AOPEP: variants seen among roughly 807,000 people sequenced by gnomAD.
The protein encoded by AOPEP is aminopeptidase O (putative).
AOPEP carries 77 observed loss-of-function variants against 98.1 expected under a neutral mutation model. The observed-to-expected ratio is 0.78, with a 90% confidence interval of 0.65 to 0.95. AOPEP has a LOEUF of 0.95. AOPEP is among the 40% of genes least tolerant of loss of function. The pLI, the probability that AOPEP is intolerant of heterozygous loss-of-function variation, is 0.00. For synonymous variants in AOPEP, 346 were observed against 365.3 expected (o/e 0.95, Z 0.60); for missense variants, 1,024 against 1,024.7 (o/e 1.00, Z 0.01).
At position 94,789,535 on chromosome 9, in the gene AOPEP, G is replaced by A. The variant is rs533188227; in HGVS notation, c.965-3230G>A. 1.6e-4 allele frequency among the ~76,000 whole-genome samples: 24 copies of A among 152,092 alleles called. 1 individual carries two copies. The South Asian group carries it at 4.8e-3, about 30-fold the overall frequency. The stretch of plus-strand genomic sequence containing the variant: ...TTCTTGCTTCTTCTTCCATCTGCAC[G>A]CTCCTTTCTGCCTGCTTCAGCTCTC... On this transcript the variant is annotated intron_variant, in intron 3 of 16. Coordinates refer to ENST00000375315, the MANE Select transcript of AOPEP (RefSeq NM_001193329.3).
intron 5 of AOPEP, among the ~76,000 whole-genome samples, chr9:94,843,313 A>C (rs565757483): frequency 2.0e-5 from 3 of 152,256 alleles, no homozygotes; most frequent in South Asian, 4.2e-4. Context: ...CATCCTTGAA[A>C]ATCCACTTCA....
the AOPEP span, among the ~76,000 whole-genome samples, chr9:95,141,996 T>G: frequency 2.1e-5 from 3 of 139,922 alleles, no homozygotes; most frequent in Non-Finnish European, 4.6e-5. Flanking sequence ...TTTTTTTTTT[T>G]TTTTTTTTTT....
the AOPEP span, among the ~76,000 whole-genome samples, chr9:95,120,684 T>C: frequency 1.3e-5 from 2 of 152,194 alleles, no homozygotes; most frequent in African/African-American, 4.8e-5. Flanking sequence ...CACCTTGGCC[T>C]CCTAAAGTGC....
At chr9:95,057,547 C>T (rs938698752) in intron 13 of AOPEP, among the ~76,000 whole-genome samples, 2 of 152,198 alleles carry the variant, frequency 1.3e-5, no homozygotes, top group Non-Finnish European at 2.9e-5. Context: ...GTTTATTTTA[C>T]AAAGACAAAT....
downstream of AOPEP, among the ~76,000 whole-genome samples, chr9:95,092,156 C>T (rs141142844): frequency 1.7e-3 from 264 of 152,290 alleles, 2 homozygotes; most frequent in African/African-American, 6.1e-3. Flanking sequence ...CCTCTGACCA[C>T]ACAGTTCTGT....
At chr9:95,078,171 C>T (rs1027307566) in intron 14 of AOPEP, among the ~76,000 whole-genome samples, 1 of 151,970 alleles carries the variant, frequency 6.6e-6, no homozygotes, top group African/African-American at 2.4e-5. Flanking sequence ...CAGTAAGAAA[C>T]GTGGAAATAC....
Position 95,080,787 on chromosome 9 carries a change from G to A in AOPEP, c.2319+7G>A, listed in dbSNP as rs1020835789. ...GTTCCTTCAGGAGGATCAGGTAGGT[G>A]TCATCTTTCAGCAGATGGGGATTCT... On this transcript the variant is annotated splice_region_variant and intron_variant, in intron 15 of 16. Coordinates refer to ENST00000375315, the MANE Select transcript of AOPEP (RefSeq NM_001193329.3). 1.9e-6 allele frequency: 3 copies of A among 1,605,660 alleles called. No homozygotes were observed. Among genetic ancestry groups the A allele is most frequent in the Non-Finnish European group, 2.6e-6 (3 of 1,172,430 alleles).
At chr9:94,820,038 C>A (rs548592154) in intron 5 of AOPEP, among the ~76,000 whole-genome samples, 1 of 149,010 alleles carries the variant, frequency 6.7e-6, no homozygotes, top group Non-Finnish European at 1.5e-5. Flanking sequence ...CTCTGTCTCC[C>A]GGGTTTAAGT....
intron 1 of AOPEP, among the ~76,000 whole-genome samples, chr9:94,742,349 A>C (rs894942984): frequency 6.6e-6 from 1 of 152,214 alleles, no homozygotes; most frequent in Admixed American, 6.5e-5. Flanking sequence ...GTAGCCCACC[A>C]ACCAGTGCCT....
chr9:95,042,038 C>T (rs1217521694), intron 13 of AOPEP, among the ~76,000 whole-genome samples: 4 of 152,100 alleles, frequency 2.6e-5, no homozygotes, highest in African/African-American at 7.2e-5. Context: ...ATTGGCCAGG[C>T]GCGGTGGCTC....
chr9:95,147,764 G>A, the AOPEP span, among the ~76,000 whole-genome samples: 1 of 152,120 alleles, frequency 6.6e-6, no homozygotes, highest in Non-Finnish European at 1.5e-5. Context: ...ATCATTCAGA[G>A]TCTGAAGAAA....
intron 5 of AOPEP, among the ~76,000 whole-genome samples, chr9:94,920,005 C>G (rs138753826): frequency 6.6e-6 from 1 of 152,104 alleles, no homozygotes; most frequent in Non-Finnish European, 1.5e-5. Context: ...AGTAAACTTG[C>G]GGCCAGGCGC....
intron 5 of AOPEP, among the ~76,000 whole-genome samples, chr9:94,832,712 G>C (rs898812982): frequency 6.6e-6 from 1 of 152,166 alleles, no homozygotes; most frequent in Non-Finnish European, 1.5e-5. Flanking sequence ...CTCTAAGACT[G>C]TGGTAATCTT....
intron 14 of AOPEP, among the ~76,000 whole-genome samples, chr9:95,064,412 C>T (rs2067652825): frequency 6.6e-6 from 1 of 152,214 alleles, no homozygotes; most frequent in Non-Finnish European, 1.5e-5. Flanking sequence ...CTGCCTCAGC[C>T]TCCCGAGTAG....
At chr9:94,987,258 A>G (rs1191452817) in intron 11 of AOPEP, among the ~76,000 whole-genome samples, 2 of 152,272 alleles carry the variant, frequency 1.3e-5, no homozygotes, top group African/African-American at 4.8e-5. Flanking sequence ...AGTGTTCAGA[A>G]GAAAGGCCAT....
chr9:94,775,683 C>G (rs973702763), intron 3 of AOPEP, among the ~76,000 whole-genome samples: 1 of 150,348 alleles, frequency 6.7e-6, no homozygotes, highest in Non-Finnish European at 1.5e-5. Flanking sequence ...TTCTTAAAAA[C>G]AACACATTTA....
the AOPEP span, among the ~76,000 whole-genome samples, chr9:95,122,055 T>C: frequency 6.6e-6 from 1 of 151,944 alleles, no homozygotes. Context: ...AGACAGGGTT[T>C]CACCGTGTTA....
intron 7 of AOPEP, among the ~76,000 whole-genome samples, chr9:94,931,460 A>G (rs964104866): frequency 6.6e-6 from 1 of 152,224 alleles, no homozygotes; most frequent in Non-Finnish European, 1.5e-5. Context: ...CCTGAATTAT[A>G]TAGTCTAGGT....
rs199659665 is a variant in AOPEP, at chr9:94,848,620, TCAAA to T, written c.1364+47640_1364+47643del. Among the ~76,000 whole-genome samples, 1,352 of 150,512 alleles carry T rather than the reference TCAAA, an allele frequency of 9.0e-3. 18 individuals carry two copies. The highest frequency in any genetic ancestry group is 0.03 in the African/African-American group (1,225 of 40,852). On this transcript the variant is annotated intron_variant, in intron 5 of 16. Coordinates refer to ENST00000375315, the MANE Select transcript of AOPEP (RefSeq NM_001193329.3). The stretch of plus-strand genomic sequence containing the variant: ...CTGGGTGACAGAGGGAGATTCCCAC[TCAAA>T]CAAACAAACAAACAAACAAACCAAA...
Sources: gnomAD v4.1 joint callset for allele counts (sites outside exome capture counted in the v4.1 genomes callset) on GRCh38, gnomAD v4.1.1 for gene constraint, MANE v1.5 for transcripts, NCBI Gene and HGNC (gene_info 2026-07-23, HGNC 2026-07-21) for gene names.